The following EMX1 variants were observed in gnomAD, a reference collection of about 807,000 sequenced individuals.
EMX1 encodes the protein homeobox protein EMX1.
Under a neutral mutation model 20.1 loss-of-function variants are expected in EMX1, and 10 were observed. That is an observed-to-expected ratio of 0.50 (90% CI 0.31 to 0.84). The LOEUF is 0.84. EMX1 is among the 40% of genes least tolerant of loss of function. EMX1 has a pLI of 0.05. For missense variants in EMX1, 424 were observed against 431.9 expected (o/e 0.98, Z 0.16); for synonymous variants, 250 against 200.4 (o/e 1.25, Z -2.09).
Position 72,924,469 on chromosome 2 carries a change from C to T in EMX1, c.681C>T (p.Gly227=), listed in dbSNP as rs778922321. The T allele has an allele frequency of 3.1e-5, 49 of 1,591,842 alleles. No individual in the cohort carries two copies. The highest frequency in any genetic ancestry group is 5.4e-5 in the African/African-American group (4 of 74,686). The change falls in exon 2 of 3, where the codon GGC becomes GGT. Residue 227 remains glycine (G), a synonymous_variant. Coordinates refer to ENST00000258106, the MANE Select transcript of EMX1 (RefSeq NM_004097.3). Reference sequence around the variant, plus strand: ...GCGCCGAGCGGAAGCAGCTGGCCGGCAGTCTCAGCCTCTCCGAGACGCAGG... The same window carrying T: ...GCGCCGAGCGGAAGCAGCTGGCCGGTAGTCTCAGCCTCTCCGAGACGCAGG... ...VVGAERKQLA[G]SLSLSETQVK...
At chr2:72,916,470 G>A, upstream of EMX1, 2 of 586,836 alleles carry the variant, frequency 3.4e-6, no homozygotes, top group South Asian at 4.0e-5. Context: ...TCGGAGCGGC[G>A]CCTTTCTGCG....
At chr2:72,933,746 C>T in intron 2 of EMX1, 41 bp from the exon 3 acceptor site, 1 of 1,608,662 alleles carries the variant, frequency 6.2e-7, no homozygotes. Context: ...CTCTGGGGGC[C>T]TCCTGAGTTT....
chr2:72,916,547 C>T (rs965759391), upstream of EMX1: 1 of 612,370 alleles, frequency 1.6e-6, no homozygotes. Flanking sequence ...AGAACTGCCC[C>T]CGGGGAATTC....
At chr2:72,916,878 C>T (rs1318573171), upstream of EMX1, 3 of 717,290 alleles carry the variant, frequency 4.2e-6, no homozygotes, top group Admixed American at 2.0e-5. Context: ...TGCTTCCAGC[C>T]CCGCGAACAG....
At chr2:72,916,475 T>C, upstream of EMX1, 1 of 587,868 alleles carries the variant, frequency 1.7e-6, no homozygotes, top group Non-Finnish European at 3.0e-6. Flanking sequence ...GCGGCGCCTT[T>C]CTGCGGCCTC....
chr2:72,924,670 C>T (rs1277069501), intron 2 of EMX1, among the ~76,000 whole-genome samples, 177 bp downstream of exon 2: 2 of 152,222 alleles, frequency 1.3e-5, no homozygotes, highest in Non-Finnish European at 2.9e-5. Context: ...CTCGAGACTG[C>T]GTGCAGCCTG....
intron 2 of EMX1, among the ~76,000 whole-genome samples, chr2:72,929,751 C>A (rs928988806): frequency 2.6e-5 from 4 of 152,226 alleles, no homozygotes; most frequent in African/African-American, 9.6e-5. Context: ...TCTGAAATAT[C>A]GGCTGGAGCC....
chr2:72,917,144 A>G (rs1333883576), upstream of EMX1: 1 of 612,344 alleles, frequency 1.6e-6, no homozygotes, highest in Non-Finnish European at 3.0e-6. Context: ...CCAAACATCC[A>G]CCCTCCGCTC....
intron 2 of EMX1, chr2:72,926,241 C>A (rs915723730): frequency 1.0e-6 from 1 of 985,298 alleles, no homozygotes; most frequent in African/African-American, 1.7e-5. Flanking sequence ...AACTCTCTTT[C>A]AAACTGAACC....
rs1643429562 is a variant in EMX1, at chr2:72,933,942, C to T, written c.861C>T (p.Thr287=). ...KQANGEDIDV[T]SND ...CCAATGGGGAGGACATCGATGTCAC[C>T]TCCAATGACTAGGGTGGGCAACCAC... is the stretch of plus-strand genomic sequence containing the variant. Residue 287 remains threonine (T), a synonymous_variant, in exon 3 of 3, where the codon ACC becomes ACT. Coordinates refer to ENST00000258106, the MANE Select transcript of EMX1 (RefSeq NM_004097.3). 5.6e-6 allele frequency: 9 copies of T among 1,614,268 alleles called. No individual in the cohort carries two copies. The highest frequency in any genetic ancestry group is 7.6e-6 in the Non-Finnish European group (9 of 1,180,054).
Position 72,933,793 on chromosome 2 carries a change from G to A in EMX1, c.712G>A (p.Val238Met). The change falls in exon 3 of 3, where the codon GTG becomes ATG. Residue 238 changes from valine to methionine, a missense_variant. Transcript: ENST00000258106. ...SLSLSETQVK[V>M]WFQNRRTKYK... The stretch of plus-strand genomic sequence containing the variant: ...CCCTCCCTCCCTGGCCCAGGTGAAG[G>A]TGTGGTTCCAGAACCGGAGGACAAA... 6.2e-7 allele frequency: 1 copy of A among 1,614,222 alleles called. No homozygotes were observed. The highest frequency in any genetic ancestry group is 8.5e-7 in the Non-Finnish European group (1 of 1,180,028).
chr2:72,924,973 T>G (rs1671170296), intron 2 of EMX1, among the ~76,000 whole-genome samples: 1 of 152,254 alleles, frequency 6.6e-6, no homozygotes, highest in Non-Finnish European at 1.5e-5. Flanking sequence ...TGGCGGGGCC[T>G]TGGCTGCCCA....
At chr2:72,929,821 A>C (rs540303811) in intron 2 of EMX1, among the ~76,000 whole-genome samples, 1 of 152,292 alleles carries the variant, frequency 6.6e-6, no homozygotes, top group Non-Finnish European at 1.5e-5. Context: ...GTCTTCATTT[A>C]TTAATGCATA....
At chr2:72,927,920 T>TC in intron 2 of EMX1, among the ~76,000 whole-genome samples, 2 of 152,360 alleles carry the variant, frequency 1.3e-5, no homozygotes, top group South Asian at 4.1e-4. Context: ...CTTCTATCTT[T>TC]CCCTTGTACT....
chr2:72,929,835 T>G (rs1488465847), intron 2 of EMX1, among the ~76,000 whole-genome samples: 1 of 152,236 alleles, frequency 6.6e-6, no homozygotes, highest in Non-Finnish European at 1.5e-5. Context: ...ATGCATACAT[T>G]GATCAGTCCT....
rs569609584 is a variant in EMX1, at chr2:72,918,618, A to G, written c.520+246A>G. ...TTTTCTAGAAAATATACCAGTTCGG[A>G]CGCAAGCCCAGGCGCGTCCTCGGAG... On this transcript the variant is annotated intron_variant, in intron 1 of 2. Coordinates refer to ENST00000258106, the MANE Select transcript of EMX1 (RefSeq NM_004097.3). Among the ~76,000 whole-genome samples the G allele has an allele frequency of 3.3e-5, 5 of 152,266 alleles. No homozygotes were observed. In the South Asian group the frequency reaches 1.0e-3, roughly 32 times the overall value.
chr2:72,933,513 T>A, intron 2 of EMX1: 1 of 456,394 alleles, frequency 2.2e-6, no homozygotes, highest in Non-Finnish European at 3.9e-6. Context: ...GGAGCTAGGA[T>A]GCACAGCAGC....
chr2:72,918,074 C>G lies in EMX1; in HGVS notation c.222C>G (p.Ser74=), dbSNP rs1671019851. The change falls in exon 1 of 3, where the codon TCC becomes TCG. Residue 74 remains serine, a synonymous_variant. Transcript: ENST00000258106. ...CCCATCTCCTGGCGGCGGCCGCCTCCGAGGAACCGCTCCGGCCCACGGCGC... is the reference window on the plus strand; with the variant it reads ...CCCATCTCCTGGCGGCGGCCGCCTCGGAGGAACCGCTCCGGCCCACGGCGC... The part of the protein sequence containing the change: ...AGSHLLAAAA[S]EEPLRPTALN... 2.1e-6 allele frequency: 3 copies of G among 1,422,720 alleles called. No individual in the cohort carries two copies. Among genetic ancestry groups the G allele is most frequent in the Non-Finnish European group, 2.7e-6 (3 of 1,098,044 alleles). 88.1% of individuals were successfully genotyped at this position (1,422,720 alleles called of 1,614,324 possible).
At chr2:72,916,924 T>C, upstream of EMX1, 1 of 717,272 alleles carries the variant, frequency 1.4e-6, no homozygotes, top group Non-Finnish European at 2.6e-6. Context: ...CGGCGGCTTC[T>C]CCCGCGCAGT....
Sources: gnomAD v4.1 joint callset for allele counts (sites outside exome capture counted in the v4.1 genomes callset) on GRCh38, gnomAD v4.1.1 for gene constraint, MANE v1.5 for transcripts, NCBI Gene and HGNC (gene_info 2026-07-23, HGNC 2026-07-21) for gene names.